Variants in NPIPB8 observed in about 807,000 individuals in gnomAD.
NPIPB8 encodes the protein nuclear pore complex interacting protein family member B8, also known as nuclear pore complex-interacting protein family member B8.
A neutral mutation model predicts 5.3 loss-of-function variants in NPIPB8; 3 were observed. That is an observed-to-expected ratio of 0.57 (90% CI 0.26 to 1.47). NPIPB8 has a LOEUF of 1.47. Among genes scored for constraint, NPIPB8 ranks in the 40% most tolerant of loss-of-function variants. The pLI, the probability that NPIPB8 is intolerant of heterozygous loss-of-function variation, is 0.13. For missense variants in NPIPB8, 50 were observed against 50.2 expected (o/e 1.00, Z 0.01); for synonymous variants, 18 against 23.0 (o/e 0.78, Z 0.62).
chr16:28,650,963 T>C lies in NPIPB8; in HGVS notation c.304-994T>C, dbSNP rs1275768286. ...AACCGTGTTGAAGTGTACAGTTCAG[T>C]TGTGTGAAGTATATTCATGTCATTT... On this transcript the variant is annotated intron_variant, in intron 3 of 7. Coordinates refer to ENST00000683297, the MANE Select transcript of NPIPB8 (RefSeq NM_001310136.2). Among the ~76,000 whole-genome samples the C allele has an allele frequency of 7.5e-4, 77 of 103,314 alleles. 1 individual carries two copies. The highest frequency in any genetic ancestry group is 1.2e-3 in the Non-Finnish European group (67 of 56,470). 67.8% of individuals were successfully genotyped at this position (103,314 alleles called of 152,430 possible). A position where few individuals can be genotyped will look rare whatever the true frequency, so the allele number is the denominator to read the frequency against.
Sources: gnomAD v4.1 joint callset for allele counts (sites outside exome capture counted in the v4.1 genomes callset) on GRCh38, gnomAD v4.1.1 for gene constraint, MANE v1.5 for transcripts, NCBI Gene and HGNC (gene_info 2026-07-23, HGNC 2026-07-21) for gene names.